DCP2: variants seen among roughly 807,000 people sequenced by gnomAD.
DCP2 encodes the protein decapping mRNA 2.
Under a neutral mutation model 56.1 loss-of-function variants are expected in DCP2, and 30 were observed. The observed-to-expected ratio is 0.53, with a 90% CI of 0.40 to 0.73. The LOEUF is 0.73. DCP2 is among the 30% of genes least tolerant of loss of function. The pLI is 0.00. For synonymous variants in DCP2, 197 were observed against 163.3 expected (o/e 1.21, Z -1.57); for missense variants, 533 against 502.7 (o/e 1.06, Z -0.58).
rs773272023 is a variant in DCP2, at chr5:112,980,097, A to G, written c.53+3111A>G. On this transcript the variant is annotated intron_variant, in intron 1 of 10. Coordinates refer to ENST00000389063, the MANE Select transcript of DCP2 (RefSeq NM_152624.6). ...GGTGAATCTGCAGCATTTTATGGTG[A>G]TACTTGTTTTTGATGAACCATGATT... Among the ~76,000 whole-genome samples the G allele has an allele frequency of 2.0e-4, 31 of 152,328 alleles. 1 individual carries two copies. The highest frequency in any genetic ancestry group is 4.0e-4 in the Non-Finnish European group (27 of 68,026).
chr5:112,985,854 C>G lies in DCP2; in HGVS notation c.73C>G (p.Pro25Ala). Residue 25 changes from proline (P) to alanine (A), a missense_variant, in exon 2 of 11, where the codon CCC becomes GCC. Transcript: ENST00000389063. ...TGACAGCCGATTTATTTTGCATATT[C>G]CCAGCGAGGAAAGAGACAATGCAAT... ...DLCSRFILHI[P>A]SEERDNAIRV... 1 of 1,605,420 alleles carries G rather than the reference C, an allele frequency of 6.2e-7. No homozygotes were observed.
At chr5:112,992,791 A>G in intron 4 of DCP2, 21 bp downstream of exon 4, 2 of 1,546,034 alleles carry the variant, frequency 1.3e-6, no homozygotes, top group African/African-American at 1.4e-5. Flanking sequence ...CCATTTTGAT[A>G]CACAGTAAAT....
In DCP2 at chr5:113,001,484, C is replaced by A; in HGVS notation, c.698+15C>A. 1 of 1,610,536 alleles carries A rather than the reference C, an allele frequency of 6.2e-7. No individual in the cohort carries two copies. Among genetic ancestry groups the A allele is most frequent in the Non-Finnish European group, 8.5e-7 (1 of 1,177,282 alleles). On this transcript the variant is annotated intron_variant, in intron 6 of 10. Coordinates refer to ENST00000389063, the MANE Select transcript of DCP2 (RefSeq NM_152624.6). ...CCCTTTATCAGGTGTGTTCATATTT[C>A]TTGAAATGTAACTTTCATGATTGGG...
rs1036017622 is a variant in DCP2 at position 112,997,769 on chromosome 5, C to T, written c.433-3315C>T. 2.6e-5 allele frequency among the ~76,000 whole-genome samples: 4 copies of T among 152,048 alleles called. No individual in the cohort carries two copies. The South Asian group carries it at 8.3e-4, about 32-fold the overall frequency. ...ACCTGGGATTACAGGCGCACGCCAC[C>T]ATGTTTGGCTAATTTTTGTATTTTT... On this transcript the variant is annotated intron_variant, in intron 4 of 10. Coordinates refer to ENST00000389063, the MANE Select transcript of DCP2 (RefSeq NM_152624.6).
chr5:113,013,497 T>G lies in DCP2; in HGVS notation c.*13T>G. On this transcript the variant is annotated 3_prime_UTR_variant, in exon 11 of 11. Coordinates refer to ENST00000389063, the MANE Select transcript of DCP2 (RefSeq NM_152624.6). ...CTTGGACCTTTGATAGCAGCACATG[T>G]ATTGTAAATGTCCCAGGATCAGAGA... 6.2e-7 allele frequency: 1 copy of G among 1,613,548 alleles called. No individual in the cohort carries two copies.
intron 1 of DCP2, among the ~76,000 whole-genome samples, chr5:112,980,079 C>G (rs558886284): frequency 2.6e-5 from 4 of 152,272 alleles, no homozygotes; most frequent in Non-Finnish European, 5.9e-5. Flanking sequence ...AAAGGTGAAT[C>G]TGCAGCATTT....
At position 112,992,396 on chromosome 5, in the gene DCP2, C is replaced by T. The variant is rs78804260; in HGVS notation, c.333+148C>T. On this transcript the variant is annotated intron_variant, in intron 3 of 10. Transcript: ENST00000389063. The stretch of plus-strand genomic sequence containing the variant: ...AAGGCCAAGCTTTGTATATTTTATC[C>T]GCATGCTATGTCTGCAGATTTTTTA... 9,474 of 1,121,920 alleles carry T rather than the reference C, an allele frequency of 8.4e-3. 64 individuals carry two copies. Among genetic ancestry groups the T allele is most frequent in the Non-Finnish European group, 0.01 (8,312 of 815,002 alleles). The allele number at this position is 1,121,920 out of a possible 1,614,324, so 69.5% of individuals were successfully genotyped here.
At chr5:113,008,931 C>T (rs1187859878) in intron 9 of DCP2, among the ~76,000 whole-genome samples, 4 of 152,014 alleles carry the variant, frequency 2.6e-5, no homozygotes, top group Admixed American at 2.6e-4. Flanking sequence ...GCAACCTCCA[C>T]TTCCCGGGTT....
rs553951945 is a variant in DCP2 at position 112,988,938 on chromosome 5, A to G, written c.205+2952A>G. 7.2e-5 allele frequency among the ~76,000 whole-genome samples: 11 copies of G among 152,340 alleles called. No homozygotes were observed. In the South Asian group the frequency reaches 2.1e-3, roughly 29 times the overall value. ...ACATGAGTTTTACACTTTGCCTGCT[A>G]TTACAAAACACCAACAACCTTTGTT... On this transcript the variant is annotated intron_variant, in intron 2 of 10. Coordinates refer to ENST00000389063, the MANE Select transcript of DCP2 (RefSeq NM_152624.6).
chr5:113,010,034 CTT>C (rs532353785), intron 9 of DCP2, among the ~76,000 whole-genome samples: 30 of 127,504 alleles, frequency 2.4e-4, no homozygotes, highest in Admixed American at 2.4e-4. Flanking sequence ...TGCCTCAGCT[CTT>C]TTTTTTTTTT....
intron 3 of DCP2, 89 bp from the exon 4 acceptor site, chr5:112,992,583 C>G (rs1014764572): frequency 2.1e-6 from 2 of 954,246 alleles, no homozygotes; most frequent in South Asian, 1.6e-5. Context: ...TAACAGTTAC[C>G]TCAAGTAAGG....
At position 112,985,885 on chromosome 5, in the gene DCP2, T is replaced by C. The variant is rs1194757592; in HGVS notation, c.104T>C (p.Val35Ala). ...GAGGAAAGAGACAATGCAATCCGAG[T>C]GTGTTTTCAGATTGAACTTGCCCAT... ...PSEERDNAIRVCFQIELAHWF... is the reference protein window; with the variant it reads ...PSEERDNAIRACFQIELAHWF... Residue 35 changes from valine to alanine, a missense_variant, in exon 2 of 11, where the codon GTG becomes GCG. By Grantham distance (64) the Val-to-Ala change is moderately conservative. This residue lies in a region of DCP2 where 137 missense variants were observed against 138.2 expected (regional missense o/e 0.99). Transcript: ENST00000389063. 6.2e-7 allele frequency: 1 copy of C among 1,610,756 alleles called. No individual in the cohort carries two copies.
intron 4 of DCP2, 103 bp downstream of exon 4, chr5:112,992,873 C>T: frequency 2.8e-6 from 2 of 727,192 alleles, no homozygotes; most frequent in South Asian, 3.6e-5. Flanking sequence ...TTAACCCTTT[C>T]CAGAACTTGA....
chr5:112,992,262 A>G lies in DCP2; in HGVS notation c.333+14A>G, dbSNP rs1367983067. On this transcript the variant is annotated intron_variant, in intron 3 of 10. Coordinates refer to ENST00000389063, the MANE Select transcript of DCP2 (RefSeq NM_152624.6). Reference sequence around the variant, plus strand: ...ACACTTGAAAATGTGAGTGTAATGAAATAAAGATTTTTAGTGAAATGGTGA... The same window carrying G: ...ACACTTGAAAATGTGAGTGTAATGAGATAAAGATTTTTAGTGAAATGGTGA... 1 of 1,602,400 alleles carries G rather than the reference A, an allele frequency of 6.2e-7. No homozygotes were observed. The highest frequency in any genetic ancestry group is 8.5e-7 in the Non-Finnish European group (1 of 1,175,940).
chr5:113,006,920 G>A (rs1356522921), intron 8 of DCP2, among the ~76,000 whole-genome samples: 1 of 152,068 alleles, frequency 6.6e-6, no homozygotes, highest in African/African-American at 2.4e-5. Context: ...ATCACTTGAG[G>A]TCAGGAGTTT....
In DCP2 at chr5:113,020,714, T is replaced by C. The variant is rs1271211453; in HGVS notation, c.*7230T>C. 1 of 152,240 alleles carries C rather than the reference T, an allele frequency of 6.6e-6. No individual in the cohort carries two copies. The highest frequency in any genetic ancestry group is 6.5e-5 in the Admixed American group (1 of 15,292). The allele number at this position is 152,240 out of a possible 1,614,324, so 9.4% of individuals were successfully genotyped here. A position where few individuals can be genotyped will look rare whatever the true frequency, so the allele number is the denominator to read the frequency against. ...CTGTACTTCCAAAGACCCACTAGAA[T>C]GTCAGCTGTACTCTGTACTCTCCAC... On this transcript the variant is annotated 3_prime_UTR_variant, in exon 11 of 11. Transcript: ENST00000389063.
chr5:112,985,710 C>G, intron 1 of DCP2, 125 bp from the exon 2 acceptor site: 5 of 1,050,478 alleles, frequency 4.8e-6, no homozygotes, highest in Non-Finnish European at 6.8e-6. Flanking sequence ...TAATTGCTTC[C>G]TTGAACAGTA....
chr5:112,991,993 C>T lies in DCP2; in HGVS notation c.206-128C>T, dbSNP rs1003476058. On this transcript the variant is annotated intron_variant, in intron 2 of 10. Coordinates refer to ENST00000389063, the MANE Select transcript of DCP2 (RefSeq NM_152624.6). ...GCCATGGTGCCTGGCCAAAATGCTA[C>T]ACTTAAATGAGGGAAGATTTGAATA... is the stretch of plus-strand genomic sequence containing the variant. 3.6e-6 allele frequency: 5 copies of T among 1,377,820 alleles called. No individual in the cohort carries two copies. The South Asian group carries it at 4.0e-5, about 11-fold the overall frequency. 85.3% of individuals were successfully genotyped at this position (1,377,820 alleles called of 1,614,324 possible).
At chr5:112,992,092 G>C in intron 2 of DCP2, 29 bp from the exon 3 acceptor site, 1 of 1,609,782 alleles carries the variant, frequency 6.2e-7, no homozygotes, top group African/African-American at 1.3e-5. Flanking sequence ...TATTAAAGGA[G>C]AAAGTAACTT....
Sources: gnomAD v4.1 joint callset for allele counts (sites outside exome capture counted in the v4.1 genomes callset) on GRCh38, gnomAD v4.1.1 for gene constraint, gnomAD v4.1.1 regional missense constraint, MANE v1.5 for transcripts, NCBI Gene and HGNC (gene_info 2026-07-23, HGNC 2026-07-21) for gene names.